WDPCP: variants seen among roughly 807,000 people sequenced by gnomAD.
WDPCP encodes WD repeat-containing and planar cell polarity effector protein fritz homolog.
A neutral mutation model predicts 93.1 loss-of-function variants in WDPCP; 71 were observed. That is an observed-to-expected ratio of 0.76 (90% CI 0.63 to 0.93). WDPCP has a LOEUF of 0.93. Among genes scored for constraint, WDPCP ranks in the 40% least tolerant of loss-of-function variants. The probability of loss-of-function intolerance (pLI) is 0.00; values close to 1 mark genes in which losing one functional copy is unlikely to be tolerated. For missense variants in WDPCP, 844 were observed against 887.4 expected (o/e 0.95, Z 0.62); for synonymous variants, 315 against 315.0 (o/e 1.00, Z 0.00).
chr2:63,692,113 C>G (rs562147090), intron 2 of WDPCP, among the ~76,000 whole-genome samples: 1 of 152,126 alleles, frequency 6.6e-6, no homozygotes, highest in Non-Finnish European at 1.5e-5. Context: ...TAGCTCTACT[C>G]TTACTGGGAG....
In WDPCP at chr2:63,433,936, T is replaced by G. The variant is rs755148252; in HGVS notation, c.634A>C (p.Ile212Leu). Residue 212 changes from isoleucine to leucine, a missense_variant and splice_region_variant, in exon 9 of 18, where the codon ATT becomes CTT. Ile to Leu is a conservative substitution (Grantham distance 5). Coordinates refer to ENST00000272321, the MANE Select transcript of WDPCP (RefSeq NM_015910.7). Reference protein sequence around the residue: ...LEKLSALDYKIFYYEIPGPIN... With the variant: ...LEKLSALDYKLFYYEIPGPIN... Reference sequence around the variant, plus strand: ...GGGCCGGGTATTTCATAATAGAAAATCTAACAATTTTAAAAAAGCATACAT... The same window carrying G: ...GGGCCGGGTATTTCATAATAGAAAAGCTAACAATTTTAAAAAAGCATACAT... 6 of 1,613,408 alleles carry G rather than the reference T, an allele frequency of 3.7e-6. No individual in the cohort carries two copies. The South Asian group carries it at 5.5e-5, about 15-fold the overall frequency.
At chr2:63,698,460 G>A (rs1014846591) in intron 2 of WDPCP, among the ~76,000 whole-genome samples, 1 of 152,158 alleles carries the variant, frequency 6.6e-6, no homozygotes, top group Non-Finnish European at 1.5e-5. Flanking sequence ...GGCAAGCTAT[G>A]TTGAGCACCA....
chr2:63,338,562 AAAAAAAAATATATATAT>A lies in WDPCP; in HGVS notation c.1749-25268_1749-25252del, dbSNP rs1328993995. 2.7e-4 allele frequency among the ~76,000 whole-genome samples: 17 copies of A among 61,978 alleles called. 1 individual carries two copies. Among genetic ancestry groups the A allele is most frequent in the South Asian group, 2.4e-3 (4 of 1,674 alleles). 40.7% of individuals were successfully genotyped at this position (61,978 alleles called of 152,430 possible). A position where few individuals can be genotyped will look rare whatever the true frequency, so the allele number is the denominator to read the frequency against. ...AGCAAAACTCCATCTAAAAAAAAAAAAAAAAAAATATATATATATATATATATATATATATATATATA... is the reference window on the plus strand; with the variant it reads ...AGCAAAACTCCATCTAAAAAAAAAAAATATATATATATATATATATATATA... On this transcript the variant is annotated intron_variant, in intron 12 of 17. Transcript: ENST00000272321.
chr2:63,723,924 C>A (rs1669463041), intron 2 of WDPCP, among the ~76,000 whole-genome samples: 1 of 152,160 alleles, frequency 6.6e-6, no homozygotes, highest in South Asian at 2.1e-4. Context: ...TACAGAGGGG[C>A]AACTCATCTT....
intron 14 of WDPCP, among the ~76,000 whole-genome samples, chr2:63,225,203 G>C (rs1211921223): frequency 1.3e-5 from 2 of 152,062 alleles, no homozygotes; most frequent in East Asian, 3.9e-4. Flanking sequence ...CTTGGAAAGT[G>C]TAAGAATAGG....
chr2:63,741,283 A>G (rs540368841), intron 2 of WDPCP, among the ~76,000 whole-genome samples: 1 of 152,146 alleles, frequency 6.6e-6, no homozygotes, highest in South Asian at 2.1e-4. Context: ...CTAGGGAGTC[A>G]GTCTCAGGTC....
At chr2:63,133,528 G>A (rs552921877) in intron 17 of WDPCP, among the ~76,000 whole-genome samples, 2 of 152,318 alleles carry the variant, frequency 1.3e-5, no homozygotes, top group African/African-American at 4.8e-5. Flanking sequence ...ACCAGGTGGA[G>A]GTAACTGAAT....
chr2:63,477,871 GGGAA>G (rs1441960922), intron 6 of WDPCP: 2 of 152,168 alleles, frequency 1.3e-5, no homozygotes, highest in Non-Finnish European at 2.9e-5. Flanking sequence ...AAGCAGCAGT[GGGAA>G]GAGAACTATG....
At chr2:63,236,872 T>C (rs1679442806) in intron 14 of WDPCP, among the ~76,000 whole-genome samples, 1 of 151,876 alleles carries the variant, frequency 6.6e-6, no homozygotes, top group Admixed American at 6.6e-5. Flanking sequence ...AATATAAAAA[T>C]CCTAGAACAA....
chr2:63,771,505 G>A (rs1377578973), intron 2 of WDPCP, among the ~76,000 whole-genome samples: 3 of 151,290 alleles, frequency 2.0e-5, no homozygotes, highest in Non-Finnish European at 4.4e-5. Flanking sequence ...ACTCTTCAAG[G>A]GAATAAACTA....
chr2:63,181,349 A>T (rs1674225500), intron 14 of WDPCP, among the ~76,000 whole-genome samples: 1 of 152,076 alleles, frequency 6.6e-6, no homozygotes, highest in Admixed American at 6.5e-5. Context: ...TAAGCTTTTA[A>T]TTGATCTTGA....
chr2:63,287,726 A>G (rs1043642152), intron 13 of WDPCP, among the ~76,000 whole-genome samples: 3 of 152,220 alleles, frequency 2.0e-5, no homozygotes, highest in African/African-American at 7.2e-5. Context: ...TTGGCACAGA[A>G]GTAGAAGAGA....
intron 2 of WDPCP, among the ~76,000 whole-genome samples, chr2:63,720,546 G>A (rs963912425): frequency 2.6e-5 from 4 of 151,902 alleles, no homozygotes; most frequent in South Asian, 2.1e-4. Flanking sequence ...TGGCTTACCC[G>A]GTGCTCTGCC....
At chr2:63,719,350 G>C (rs1558893565) in intron 2 of WDPCP, among the ~76,000 whole-genome samples, 1 of 152,158 alleles carries the variant, frequency 6.6e-6, no homozygotes, top group Non-Finnish European at 1.5e-5. Flanking sequence ...ACAGTAGTGA[G>C]AGGTTAAATA....
At chr2:63,236,283 A>G (rs1679385287) in intron 14 of WDPCP, among the ~76,000 whole-genome samples, 1 of 152,188 alleles carries the variant, frequency 6.6e-6, no homozygotes, top group Admixed American at 6.5e-5. Flanking sequence ...AAGAAAGTGA[A>G]AGGTCTCCAC....
intron 14 of WDPCP, chr2:63,232,952 G>A (rs1679053001): frequency 1.1e-5 from 2 of 181,042 alleles, no homozygotes; most frequent in South Asian, 2.5e-4. Flanking sequence ...AAGGAAGCAA[G>A]GAGGAAAAGA....
Position 63,367,606 on chromosome 2 carries a change from T to C in WDPCP, c.1748+10780A>G, listed in dbSNP as rs74401410. Among the ~76,000 whole-genome samples the C allele has an allele frequency of 8.5e-5, 13 of 152,274 alleles. 2 individuals carry two copies. The South Asian group carries it at 2.7e-3, about 32-fold the overall frequency. Reference sequence around the variant, plus strand: ...TAGTTGAATAAATTATGGTAGTCTATCCTTAATAAATGTGTGATATAGATC... The same window carrying C: ...TAGTTGAATAAATTATGGTAGTCTACCCTTAATAAATGTGTGATATAGATC... On this transcript the variant is annotated intron_variant, in intron 12 of 17. Coordinates refer to ENST00000272321, the MANE Select transcript of WDPCP (RefSeq NM_015910.7).
chr2:63,164,361 G>A (rs543920920), intron 15 of WDPCP, among the ~76,000 whole-genome samples: 1 of 152,262 alleles, frequency 6.6e-6, no homozygotes, highest in African/African-American at 2.4e-5. Flanking sequence ...GGAGGTGATT[G>A]GATCGTGGGA....
At chr2:63,691,950 T>C (rs1668897447) in intron 2 of WDPCP, among the ~76,000 whole-genome samples, 1 of 151,494 alleles carries the variant, frequency 6.6e-6, no homozygotes, top group Admixed American at 6.6e-5. Context: ...AGTTTACAAA[T>C]ATTTACTGAA....
Sources: gnomAD v4.1 joint callset for allele counts (sites outside exome capture counted in the v4.1 genomes callset) on GRCh38, gnomAD v4.1.1 for gene constraint, MANE v1.5 for transcripts, NCBI Gene and HGNC (gene_info 2026-07-23, HGNC 2026-07-21) for gene names.